NCOA1: variants seen among roughly 807,000 people sequenced by gnomAD.
The protein encoded by NCOA1 is nuclear receptor coactivator 1, also known as Hin-2 protein.
Under a neutral mutation model 150.9 loss-of-function variants are expected in NCOA1, and 35 were observed. The ratio of observed to expected loss-of-function variants is 0.23; its 90% CI spans 0.18 to 0.31. The LOEUF (loss-of-function observed/expected upper bound fraction) is 0.31, where lower values mean the gene tolerates loss of function less well. NCOA1 is among the 10% of genes least tolerant of loss of function. The pLI, the probability that NCOA1 is intolerant of heterozygous loss-of-function variation, is 1.00. For missense variants in NCOA1, 1,491 were observed against 1,749.3 expected (o/e 0.85, Z 2.63); for synonymous variants, 590 against 630.0 (o/e 0.94, Z 0.95).
intron 8 of NCOA1, among the ~76,000 whole-genome samples, chr2:24,687,791 G>C (rs1467974480): frequency 1.3e-5 from 2 of 152,152 alleles, no homozygotes; most frequent in Non-Finnish European, 2.9e-5. Context: ...CCCTCGACAT[G>C]TGGGGATTAC....
chr2:24,734,291 A>T (rs1267050205), intron 17 of NCOA1, among the ~76,000 whole-genome samples: 1 of 152,164 alleles, frequency 6.6e-6, no homozygotes, highest in East Asian at 1.9e-4. Context: ...CATGAAAGAA[A>T]TTATGTCTCC....
rs1225234341 is a variant in NCOA1 at position 24,701,275 on chromosome 2, A to ACT, written c.949+3477_949+3478insCT. Among the ~76,000 whole-genome samples the ACT allele has an allele frequency of 6.6e-5, 10 of 152,200 alleles. No homozygotes were observed. In the East Asian group the frequency reaches 1.7e-3, roughly 26 times the overall value. On this transcript the variant is annotated intron_variant, in intron 11 of 22. Coordinates refer to ENST00000348332, the MANE Select transcript of NCOA1 (RefSeq NM_003743.5). ...ATCCCAGCCCTTGGGAGGCTGAGAC[A>ACT]GGAGGATTGCTTGAGTCCAGAAGTT... is the stretch of plus-strand genomic sequence containing the variant.
intron 17 of NCOA1, among the ~76,000 whole-genome samples, chr2:24,737,634 C>T (rs932698585): frequency 5.3e-5 from 8 of 152,186 alleles, no homozygotes; most frequent in Admixed American, 5.2e-4. Flanking sequence ...CTTGCATTCT[C>T]ATCCTTCAAG....
chr2:24,540,379 T>A (rs1234717987), intron 1 of NCOA1, among the ~76,000 whole-genome samples: 2 of 152,056 alleles, frequency 1.3e-5, no homozygotes, highest in Non-Finnish European at 2.9e-5. Flanking sequence ...ATGAAAAATA[T>A]AGTTGTTGAA....
intron 2 of NCOA1, among the ~76,000 whole-genome samples, chr2:24,575,320 C>T (rs1666910124): frequency 6.6e-6 from 1 of 152,058 alleles, no homozygotes; most frequent in South Asian, 2.1e-4. Flanking sequence ...CCAATTGGGC[C>T]TAAAAACAGT....
At chr2:24,585,442 G>C (rs990249327) in intron 3 of NCOA1, among the ~76,000 whole-genome samples, 1 of 151,176 alleles carries the variant, frequency 6.6e-6, no homozygotes, top group African/African-American at 2.4e-5. Flanking sequence ...TCTTTTTTTA[G>C]TGTAGAAATT....
At chr2:24,629,813 C>CAT (rs1356211925) in intron 3 of NCOA1, among the ~76,000 whole-genome samples, 10,293 of 76,650 alleles carry the variant, frequency 0.13, 656 homozygotes, top group Non-Finnish European at 0.17. Context: ...AAGTAACATA[C>CAT]ATACATATAT....
At chr2:24,510,071 C>T (rs565301950) in intron 1 of NCOA1, among the ~76,000 whole-genome samples, 7 of 152,252 alleles carry the variant, frequency 4.6e-5, no homozygotes, top group African/African-American at 9.6e-5. Context: ...TTTTTTGAGA[C>T]GGAGTTTCAC....
chr2:24,719,047 A>C (rs1259052870), intron 14 of NCOA1, among the ~76,000 whole-genome samples: 1 of 150,832 alleles, frequency 6.6e-6, no homozygotes. Context: ...AAAAAAAAAA[A>C]AAAAAAAACC....
Position 24,742,176 on chromosome 2 carries a change from T to C in NCOA1, c.3696T>C (p.Tyr1232=), listed in dbSNP as rs758064940. 21 of 1,610,772 alleles carry C rather than the reference T, an allele frequency of 1.3e-5. No homozygotes were observed. Among genetic ancestry groups the C allele is most frequent in the Non-Finnish European group, 1.7e-5 (20 of 1,178,158 alleles). ...NPQMQQNVFQ[Y]PGAGMVPQGE... Reference sequence around the variant, plus strand: ...AGATGCAGCAGAATGTCTTCCAGTATCCAGGAGCAGGTAGGAAGGTCACAA... The same window carrying C: ...AGATGCAGCAGAATGTCTTCCAGTACCCAGGAGCAGGTAGGAAGGTCACAA... The change falls in exon 19 of 23, where the codon TAT becomes TAC. Residue 1232 remains tyrosine, a synonymous_variant. Coordinates refer to ENST00000348332, the MANE Select transcript of NCOA1 (RefSeq NM_003743.5).
intron 3 of NCOA1, among the ~76,000 whole-genome samples, chr2:24,602,859 T>C (rs1159703079): frequency 6.6e-6 from 1 of 152,206 alleles, no homozygotes; most frequent in Non-Finnish European, 1.5e-5. Context: ...TGTAAGCCTG[T>C]CTCAACTTAT....
At chr2:24,585,471 C>G (rs1041689396) in intron 3 of NCOA1, among the ~76,000 whole-genome samples, 1 of 151,886 alleles carries the variant, frequency 6.6e-6, no homozygotes, top group Non-Finnish European at 1.5e-5. Context: ...CTTCATACAT[C>G]TCAATGAATG....
intron 19 of NCOA1, among the ~76,000 whole-genome samples, chr2:24,749,554 C>G (rs1664113314): frequency 6.6e-6 from 1 of 152,182 alleles, no homozygotes; most frequent in African/African-American, 2.4e-5. Flanking sequence ...CCTCATAATT[C>G]AGGGGGTATC....
intron 20 of NCOA1, 33 bp from the exon 21 acceptor site, chr2:24,757,940 T>G: frequency 1.2e-6 from 2 of 1,606,528 alleles, no homozygotes. Context: ...TCATGATCAG[T>G]GGATGTAATC....
intron 15 of NCOA1, 50 bp from the exon 16 acceptor site, chr2:24,728,258 A>G (rs1167978283): frequency 6.6e-7 from 1 of 1,516,732 alleles, no homozygotes; most frequent in Non-Finnish European, 8.9e-7. Flanking sequence ...AAGATTGAAT[A>G]AATTATTTGC....
chr2:24,760,218 C>T (rs1292095885), intron 21 of NCOA1, among the ~76,000 whole-genome samples: 1 of 149,536 alleles, frequency 6.7e-6, no homozygotes, highest in Non-Finnish European at 1.5e-5. Context: ...CAGCTCACTG[C>T]AACCTCCACC....
chr2:24,707,826 A>T lies in NCOA1; in HGVS notation c.2356A>T (p.Thr786Ser). ...GAAAGAACAGATGGATCCATGTAAT[A>T]CAAACCCAACCCCAATGACCAAACC... is the stretch of plus-strand genomic sequence containing the variant. ...EKKEQMDPCNTNPTPMTKPTP... is the reference protein window; with the variant it reads ...EKKEQMDPCNSNPTPMTKPTP... The change falls in exon 13 of 23, where the codon ACA becomes TCA. Residue 786 changes from threonine (T) to serine (S), a missense_variant. By Grantham distance (58) the Thr-to-Ser change is moderately conservative. This residue lies in a region of NCOA1 where 703 missense variants were observed against 717.7 expected (regional missense o/e 0.98). Transcript: ENST00000348332. The T allele has an allele frequency of 6.2e-7, 1 of 1,613,880 alleles. No homozygotes were observed. The highest frequency in any genetic ancestry group is 8.5e-7 in the Non-Finnish European group (1 of 1,179,926).
At chr2:24,687,074 C>T (rs1376187812) in intron 8 of NCOA1, among the ~76,000 whole-genome samples, 1 of 152,040 alleles carries the variant, frequency 6.6e-6, no homozygotes. Flanking sequence ...CTCCTTATTT[C>T]CTAACCATTC....
chr2:24,730,893 AC>A (rs1662971893), intron 17 of NCOA1, among the ~76,000 whole-genome samples: 1 of 146,676 alleles, frequency 6.8e-6, no homozygotes. Context: ...AAAAAAAAAA[AC>A]GGGCATGGTG....
Sources: allele counts gnomAD v4.1 joint callset (sites outside exome capture counted in the v4.1 genomes callset), GRCh38; gene constraint gnomAD v4.1.1; regional missense constraint gnomAD v4.1.1; transcripts MANE v1.5; gene names NCBI Gene and HGNC (gene_info 2026-07-23, HGNC 2026-07-21).